Variants in HERC6 observed in about 807,000 individuals in gnomAD.
HERC6 encodes HECT and RLD domain containing E3 ubiquitin protein ligase family member 6, also known as probable E3 ubiquitin-protein ligase HERC6.
In HERC6, 101 loss-of-function variants were observed where a neutral mutation model predicts 114.5. The ratio of observed to expected loss-of-function variants is 0.88; its 90% CI spans 0.75 to 1.04. The LOEUF (loss-of-function observed/expected upper bound fraction) is 1.04. HERC6 is among the 50% of genes least tolerant of loss of function. HERC6 has a pLI of 0.00. For synonymous variants in HERC6, 408 were observed against 436.2 expected (o/e 0.94, Z 0.81); for missense variants, 1,133 against 1,230.9 (o/e 0.92, Z 1.19).
chr4:88,381,095 A>C (rs1460780847), intron 1 of HERC6, among the ~76,000 whole-genome samples: 1 of 152,120 alleles, frequency 6.6e-6, no homozygotes, highest in Non-Finnish European at 1.5e-5. Context: ...ATTGTTTCCC[A>C]CTAGGGGCTT....
At chr4:88,439,042 G>A (rs1739047325) in intron 20 of HERC6, among the ~76,000 whole-genome samples, 1 of 152,208 alleles carries the variant, frequency 6.6e-6, no homozygotes, top group Admixed American at 6.5e-5. Flanking sequence ...TTCACAAAGT[G>A]ACATGTGTTG....
At chr4:88,400,472 C>T (rs1018706881) in intron 8 of HERC6, among the ~76,000 whole-genome samples, 3 of 152,226 alleles carry the variant, frequency 2.0e-5, no homozygotes, top group African/African-American at 4.8e-5. Flanking sequence ...GCTGGGATTA[C>T]AGGTGTATAC....
chr4:88,426,890 G>A (rs1261999781), intron 15 of HERC6, among the ~76,000 whole-genome samples: 2 of 152,144 alleles, frequency 1.3e-5, no homozygotes, highest in Non-Finnish European at 1.5e-5. Flanking sequence ...CCTGGTAAAG[G>A]GAGAAAATAG....
chr4:88,417,896 T>C (rs1454912305), intron 13 of HERC6, among the ~76,000 whole-genome samples: 1 of 151,628 alleles, frequency 6.6e-6, no homozygotes, highest in African/African-American at 2.4e-5. Flanking sequence ...CAGTGAGCTA[T>C]GATTGTGCCA....
intron 15 of HERC6, among the ~76,000 whole-genome samples, chr4:88,428,089 T>C (rs1737811968): frequency 6.6e-6 from 1 of 152,248 alleles, no homozygotes; most frequent in Admixed American, 6.5e-5. Flanking sequence ...GGATGGATCA[T>C]AGTTATTGGA....
At chr4:88,380,139 A>AT (rs1560528636) in intron 1 of HERC6, among the ~76,000 whole-genome samples, 2 of 31,594 alleles carry the variant, frequency 6.3e-5, no homozygotes, top group Non-Finnish European at 1.1e-4. Context: ...AAATATATAT[A>AT]ATATATAAAT....
At chr4:88,438,701 G>C (rs1739015852) in intron 20 of HERC6, among the ~76,000 whole-genome samples, 1 of 152,176 alleles carries the variant, frequency 6.6e-6, no homozygotes, top group African/African-American at 2.4e-5. Context: ...AAAATGTTAA[G>C]AGTTTATTAT....
Position 88,379,467 on chromosome 4 carries a change from A to C in HERC6, c.199+347A>C, listed in dbSNP as rs891840811. Among the ~76,000 whole-genome samples, 21 of 151,620 alleles carry C rather than the reference A, an allele frequency of 1.4e-4. No homozygotes were observed. The East Asian group carries it at 3.9e-3, about 28-fold the overall frequency. Reference sequence around the variant, plus strand: ...ACTGAGAGCCGAAACTAACCTGGTCAGCGCTGCTCTGGAAAGAGATGTGGT... The same window carrying C: ...ACTGAGAGCCGAAACTAACCTGGTCCGCGCTGCTCTGGAAAGAGATGTGGT... On this transcript the variant is annotated intron_variant, in intron 1 of 22. Transcript: ENST00000264346.
intron 12 of HERC6, among the ~76,000 whole-genome samples, chr4:88,415,352 G>A (rs984443794): frequency 6.6e-6 from 1 of 152,040 alleles, no homozygotes; most frequent in Non-Finnish European, 1.5e-5. Flanking sequence ...ACACATGCAG[G>A]AAACATTCCA....
chr4:88,420,124 C>A (rs1341300453), intron 13 of HERC6, among the ~76,000 whole-genome samples: 1 of 151,960 alleles, frequency 6.6e-6, no homozygotes, highest in Non-Finnish European at 1.5e-5. Context: ...CTTTCGTTTT[C>A]TTTCTAGGTT....
intron 15 of HERC6, 74 bp from the exon 16 acceptor site, chr4:88,428,506 T>G (rs1737856941): frequency 9.0e-7 from 1 of 1,114,184 alleles, no homozygotes; most frequent in East Asian, 2.6e-5. Context: ...AAATGTTTAT[T>G]GGAAGTATTA....
chr4:88,400,499 C>T (rs1235368118), intron 8 of HERC6, among the ~76,000 whole-genome samples: 1 of 152,072 alleles, frequency 6.6e-6, no homozygotes, highest in African/African-American at 2.4e-5. Flanking sequence ...GCCTGGCTCC[C>T]AGTAGTACCT....
Position 88,408,514 on chromosome 4 carries a change from G to A in HERC6, c.1275-10G>A, listed in dbSNP as rs766148615. ...GTTTATGTGGTTTCTTGCATTTCTT[G>A]TATCCAAAGAGGAACTGGAGAAACG... On this transcript the variant is annotated splice_polypyrimidine_tract_variant and intron_variant, in intron 10 of 22. Coordinates refer to ENST00000264346, the MANE Select transcript of HERC6 (RefSeq NM_017912.4). 9.0e-6 allele frequency: 14 copies of A among 1,549,268 alleles called. No homozygotes were observed. The Admixed American group carries it at 2.5e-4, about 28-fold the overall frequency.
At chr4:88,417,689 TG>T in intron 13 of HERC6, 110 bp downstream of exon 13, 1 of 891,860 alleles carries the variant, frequency 1.1e-6, no homozygotes, top group South Asian at 2.0e-5. Context: ...AGGAGTCAAA[TG>T]TTTTTTAAAG....
intron 13 of HERC6, 39 bp downstream of exon 13, chr4:88,417,618 G>A: frequency 6.4e-7 from 1 of 1,553,406 alleles, no homozygotes. Context: ...ACTATTTTAT[G>A]TAATCAAAAT....
chr4:88,411,825 G>C (rs1028181093), intron 11 of HERC6, among the ~76,000 whole-genome samples: 4 of 152,170 alleles, frequency 2.6e-5, no homozygotes, highest in Non-Finnish European at 5.9e-5. Context: ...GGGTTGGCTA[G>C]CAGATGAGGG....
Position 88,442,222 on chromosome 4 carries a change from A to T in HERC6, c.2843-12A>T. ...CTATGAAATATCTTAACCAAATTTT[A>T]TTCCTTTCTAGTTTTCCTTACAGGA... On this transcript the variant is annotated splice_polypyrimidine_tract_variant and intron_variant, in intron 22 of 22. Transcript: ENST00000264346. 1 of 1,581,266 alleles carries T rather than the reference A, an allele frequency of 6.3e-7. No homozygotes were observed. The highest frequency in any genetic ancestry group is 1.1e-5 in the South Asian group (1 of 87,932).
At chr4:88,381,430 A>G (rs918017278) in intron 1 of HERC6, among the ~76,000 whole-genome samples, 1 of 152,162 alleles carries the variant, frequency 6.6e-6, no homozygotes, top group African/African-American at 2.4e-5. Flanking sequence ...AAGGATGATG[A>G]ACTCAGGGAA....
chr4:88,396,159 T>C lies in HERC6; in HGVS notation c.887+17T>C. 6.5e-7 allele frequency: 1 copy of C among 1,543,094 alleles called. No homozygotes were observed. Among genetic ancestry groups the C allele is most frequent in the Non-Finnish European group, 8.7e-7 (1 of 1,146,910 alleles). Reference sequence around the variant, plus strand: ...TTGTGGAAGGTAATAGGCTTCTTCTTCTTCTTTTTCTTAGCATGTGTAGAA... The same window carrying C: ...TTGTGGAAGGTAATAGGCTTCTTCTCCTTCTTTTTCTTAGCATGTGTAGAA... On this transcript the variant is annotated intron_variant, in intron 6 of 22. Transcript: ENST00000264346.
Sources: gnomAD v4.1 joint callset for allele counts (sites outside exome capture counted in the v4.1 genomes callset) on GRCh38, gnomAD v4.1.1 for gene constraint, MANE v1.5 for transcripts, NCBI Gene and HGNC (gene_info 2026-07-23, HGNC 2026-07-21) for gene names.